The following CLIP1 variants were observed in gnomAD, a reference collection of about 807,000 sequenced individuals.
CLIP1 encodes the protein CAP-Gly domain-containing linker protein 1.
A neutral mutation model predicts 161.6 loss-of-function variants in CLIP1; 66 were observed. That is an observed-to-expected ratio of 0.41 (90% CI 0.33 to 0.50). The LOEUF is 0.50. Ranked by LOEUF, CLIP1 falls within the 20% of genes least tolerant of loss-of-function variation. The pLI, the probability that CLIP1 is intolerant of heterozygous loss-of-function variation, is 0.27. For synonymous variants in CLIP1, 598 were observed against 626.2 expected (o/e 0.96, Z 0.67); for missense variants, 1,376 against 1,702.0 (o/e 0.81, Z 3.37).
At chr12:122,390,318 A>AT (rs1197287688) in intron 1 of CLIP1, among the ~76,000 whole-genome samples, 2 of 136,508 alleles carry the variant, frequency 1.5e-5, no homozygotes, top group Non-Finnish European at 3.1e-5. Context: ...ATATATATAT[A>AT]TTATTTTTTT....
At chr12:122,401,867 C>T (rs1330216931) in intron 1 of CLIP1, among the ~76,000 whole-genome samples, 1 of 151,936 alleles carries the variant, frequency 6.6e-6, no homozygotes, top group Non-Finnish European at 1.5e-5. Context: ...TGTGGTAGCA[C>T]ATGCCTGTAA....
intron 7 of CLIP1, among the ~76,000 whole-genome samples, chr12:122,353,588 T>C (rs760911636): frequency 2.0e-5 from 3 of 152,142 alleles, no homozygotes; most frequent in Non-Finnish European, 2.9e-5. Context: ...CACTCCAGCC[T>C]GAGTGACAGA....
chr12:122,331,384 G>A (rs1433442718), intron 15 of CLIP1, among the ~76,000 whole-genome samples: 3 of 150,736 alleles, frequency 2.0e-5, no homozygotes, highest in Non-Finnish European at 4.4e-5. Context: ...GCATGATCCT[G>A]GCTCATTGCA....
chr12:122,312,266 C>T (rs1380764858), intron 19 of CLIP1, among the ~76,000 whole-genome samples: 1 of 152,188 alleles, frequency 6.6e-6, no homozygotes, highest in African/African-American at 2.4e-5. Flanking sequence ...ATTACTTATG[C>T]CCTTTTTTCC....
At chr12:122,290,877 A>AT (rs1291018864) in intron 20 of CLIP1, among the ~76,000 whole-genome samples, 3 of 144,908 alleles carry the variant, frequency 2.1e-5, no homozygotes, top group African/African-American at 7.6e-5. Context: ...ATTTTTTTTT[A>AT]TTTTTTTTAG....
intron 20 of CLIP1, among the ~76,000 whole-genome samples, chr12:122,304,044 ACAGTGCCCTGTGCCTGTCAGCTG>A (rs1468212422): frequency 6.6e-6 from 1 of 152,194 alleles, no homozygotes; most frequent in Non-Finnish European, 1.5e-5. Context: ...AAAAATACCC[ACAGTGCCCTGTGCCTGTCAGCTG>A]CAGTTTGTTG....
intron 3 of CLIP1, among the ~76,000 whole-genome samples, chr12:122,367,969 C>A (rs529095825): frequency 1.3e-5 from 2 of 152,282 alleles, no homozygotes; most frequent in East Asian, 1.9e-4. Flanking sequence ...GACAGTGAGA[C>A]CCTGTCTCAA....
At chr12:122,325,092 T>A (rs1398754063) in intron 17 of CLIP1, among the ~76,000 whole-genome samples, 1 of 150,076 alleles carries the variant, frequency 6.7e-6, no homozygotes, top group African/African-American at 2.5e-5. Flanking sequence ...TCTCGCTCTA[T>A]CTATTGCCCA....
At chr12:122,396,617 G>A (rs1462733281) in intron 1 of CLIP1, 2 of 151,972 alleles carry the variant, frequency 1.3e-5, no homozygotes, top group East Asian at 1.9e-4. Flanking sequence ...ACAGTAAAAC[G>A]GCTTCAACCG....
chr12:122,326,828 A>G (rs1164105961), intron 17 of CLIP1, among the ~76,000 whole-genome samples: 3 of 152,194 alleles, frequency 2.0e-5, no homozygotes, highest in Non-Finnish European at 4.4e-5. Context: ...TGGGAATTGT[A>G]TCTAGTGTTA....
intron 20 of CLIP1, among the ~76,000 whole-genome samples, chr12:122,303,863 C>T (rs1021783532): frequency 1.3e-5 from 2 of 152,140 alleles, no homozygotes; most frequent in African/African-American, 4.8e-5. Context: ...CCCCCTGATT[C>T]CATCCAGAAA....
intron 3 of CLIP1, chr12:122,365,737 G>A: frequency 1.6e-6 from 1 of 630,992 alleles, no homozygotes; most frequent in Non-Finnish European, 2.8e-6. Flanking sequence ...GCTGGGCACA[G>A]TGGTTCATGC....
rs146871885 is a variant in CLIP1, at chr12:122,364,079, C to T, written c.686G>A (p.Arg229Gln). The T allele has an allele frequency of 6.2e-6, 10 of 1,613,810 alleles. No individual in the cohort carries two copies. In the African/African-American group the frequency reaches 8.0e-5, roughly 13 times the overall value. The change falls in exon 4 of 26, where the codon CGG (arginine) becomes CAG (glutamine). Residue 229 changes from arginine (R) to glutamine (Q), a missense_variant. Physicochemically the swap from Arg to Gln is conservative, Grantham distance 43 (BLOSUM62 1). Around this residue, in one of 6 missense-constraint regions of CLIP1, gnomAD observed 211 missense variants for 295.1 expected, o/e 0.72. Transcript: ENST00000620786. ...LVGGTKAGVV[R>Q]FLGETDFAKG... is the part of the protein sequence containing the mutation. ...GGCAAAGTCGGTCTCCCCAAGAAAC[C>T]GGACTACACCAGCCTTAGTGCCACC...
intron 24 of CLIP1, chr12:122,276,600 G>A (rs1955439353): frequency 5.7e-6 from 4 of 696,750 alleles, no homozygotes; most frequent in African/African-American, 5.6e-5. Context: ...ATCGTTTTGT[G>A]CCCCTCAAAG....
chr12:122,387,449 CG>C (rs75817521), intron 1 of CLIP1, among the ~76,000 whole-genome samples: 18,898 of 143,580 alleles, frequency 0.13, 1,555 homozygotes, highest in East Asian at 0.45. Context: ...CTTGTGGAGG[CG>C]GGGGGGAGGA....
intron 3 of CLIP1, chr12:122,365,759 G>A (rs1954123176): frequency 1.2e-5 from 7 of 600,202 alleles, no homozygotes; most frequent in Non-Finnish European, 2.0e-5. Flanking sequence ...TGTAATCTCA[G>A]CACTTTGGGA....
chr12:122,309,898 G>A lies in CLIP1; in HGVS notation c.3474-16C>T, dbSNP rs777013038. On this transcript the variant is annotated splice_polypyrimidine_tract_variant and intron_variant, in intron 19 of 25. Transcript: ENST00000620786. ...TAGGGTTTCTCTGCAAGGACAGTGA[G>A]TGCAGGGTTACCATAGAAACAAGAC... 3.7e-6 allele frequency: 6 copies of A among 1,613,584 alleles called. No homozygotes were observed. The South Asian group carries it at 6.6e-5, about 18-fold the overall frequency.
chr12:122,380,609 GA>G (rs756128946), intron 1 of CLIP1, 51 bp from the exon 2 acceptor site: 2 of 469,790 alleles, frequency 4.3e-6, no homozygotes, highest in Non-Finnish European at 7.6e-6. Context: ...GAGCAAGTAG[GA>G]ACAACAGGTA....
chr12:122,419,117 T>C (rs544056358), intron 1 of CLIP1, among the ~76,000 whole-genome samples: 1 of 152,320 alleles, frequency 6.6e-6, no homozygotes, highest in Non-Finnish European at 1.5e-5. Flanking sequence ...ACACCTGTAA[T>C]CCCAACACTT....
Sources: allele counts gnomAD v4.1 joint callset (sites outside exome capture counted in the v4.1 genomes callset), GRCh38; gene constraint gnomAD v4.1.1; regional missense constraint gnomAD v4.1.1; transcripts MANE v1.5; gene names NCBI Gene and HGNC (gene_info 2026-07-23, HGNC 2026-07-21).